The following ASPH variants were observed in gnomAD, a reference collection of about 807,000 sequenced individuals.
ASPH encodes the protein aspartate beta-hydroxylase, also known as aspartyl/asparaginyl beta-hydroxylase.
Under a neutral mutation model 118.4 loss-of-function variants are expected in ASPH, and 100 were observed. The ratio of observed to expected loss-of-function variants is 0.84; its 90% CI spans 0.72 to 1.00. ASPH has a LOEUF of 1.00. ASPH is among the 50% of genes least tolerant of loss of function. The probability of loss-of-function intolerance (pLI) is 0.00; values close to 1 mark genes in which losing one functional copy is unlikely to be tolerated. For missense variants in ASPH, 920 were observed against 919.5 expected (o/e 1.00, Z -0.01); for synonymous variants, 315 against 325.6 (o/e 0.97, Z 0.35).
At chr8:61,567,403 T>C in intron 16 of ASPH, 85 bp from the exon 17 acceptor site, 1 of 1,396,244 alleles carries the variant, frequency 7.2e-7, no homozygotes, top group Non-Finnish European at 9.6e-7. Context: ...AGTTAACTTT[T>C]GGACATGCTT....
intron 21 of ASPH, among the ~76,000 whole-genome samples, chr8:61,540,626 G>A (rs1041144354): frequency 2.6e-5 from 4 of 152,112 alleles, no homozygotes; most frequent in Admixed American, 6.5e-5. Context: ...TCTTTATAGC[G>A]ATGCAAGAAT....
intron 1 of ASPH, among the ~76,000 whole-genome samples, chr8:61,688,140 G>A (rs957397170): frequency 6.6e-6 from 1 of 152,078 alleles, no homozygotes; most frequent in Non-Finnish European, 1.5e-5. Flanking sequence ...TCTGAAACCA[G>A]TATCTTGTTC....
At position 61,714,544 on chromosome 8, in the gene ASPH, C is replaced by A. The variant is rs1253095887; in HGVS notation, c.-173G>T. ...CCTGCAGCACCTGGGAAGACTTCAC[C>A]CGCCTGCCGGCTGCGCGCGCCCGGC... On this transcript the variant is annotated 5_prime_UTR_variant, in exon 1 of 25. Transcript: ENST00000379454. 9.8e-7 allele frequency: 1 copy of A among 1,020,100 alleles called. No individual in the cohort carries two copies. The highest frequency in any genetic ancestry group is 1.3e-6 in the Non-Finnish European group (1 of 783,806). 63.2% of individuals were successfully genotyped at this position (1,020,100 alleles called of 1,614,324 possible).
chr8:61,664,386 CTA>C, intron 3 of ASPH: 1 of 973,304 alleles, frequency 1.0e-6, no homozygotes, highest in African/African-American at 1.8e-5. Context: ...TAAAACCTTT[CTA>C]TAGTTATTCT....
intron 13 of ASPH, among the ~76,000 whole-genome samples, chr8:61,628,145 A>AT (rs1853791624): frequency 1.3e-5 from 2 of 151,608 alleles, no homozygotes; most frequent in Admixed American, 1.3e-4. Context: ...ACTTCTTGTC[A>AT]TTTTTAGGCA....
At chr8:61,548,495 T>C (rs1490996929) in intron 20 of ASPH, among the ~76,000 whole-genome samples, 1 of 152,138 alleles carries the variant, frequency 6.6e-6, no homozygotes, top group South Asian at 2.1e-4. Flanking sequence ...CTCCCTCGAG[T>C]GTCCAGCAGG....
chr8:61,548,005 C>T (rs900887172), intron 21 of ASPH, 66 bp downstream of exon 21: 5 of 1,489,968 alleles, frequency 3.4e-6, no homozygotes, highest in Non-Finnish European at 4.5e-6. Flanking sequence ...TTATGATAAA[C>T]ATTTTCTGAT....
intron 15 of ASPH, among the ~76,000 whole-genome samples, chr8:61,577,269 T>G (rs529806548): frequency 1.3e-5 from 2 of 151,698 alleles, no homozygotes; most frequent in African/African-American, 2.4e-5. Flanking sequence ...GGCACATGTA[T>G]ACTGTATACA....
chr8:61,618,656 C>G (rs1046184824), intron 14 of ASPH, among the ~76,000 whole-genome samples: 1 of 152,140 alleles, frequency 6.6e-6, no homozygotes, highest in Non-Finnish European at 1.5e-5. Flanking sequence ...GGAAACACAG[C>G]CTTCAGAAGT....
At chr8:61,597,179 T>A (rs1842717602) in intron 14 of ASPH, among the ~76,000 whole-genome samples, 1 of 136,328 alleles carries the variant, frequency 7.3e-6, no homozygotes, top group Non-Finnish European at 1.6e-5. Flanking sequence ...ATAGATCACT[T>A]GAAATAATCC....
rs181586552 is a variant in ASPH at position 61,703,013 on chromosome 8, C to A, written c.103+11256G>T. On this transcript the variant is annotated intron_variant, in intron 1 of 24. Transcript: ENST00000379454. Reference sequence around the variant, plus strand: ...GACCCACATCTAACATAAACACAGACGCAAAATTGCTGACAAAATATTAGC... The same window carrying A: ...GACCCACATCTAACATAAACACAGAAGCAAAATTGCTGACAAAATATTAGC... Among the ~76,000 whole-genome samples the A allele has an allele frequency of 3.3e-5, 5 of 152,198 alleles. No homozygotes were observed. In the South Asian group the frequency reaches 1.0e-3, roughly 32 times the overall value.
intron 10 of ASPH, among the ~76,000 whole-genome samples, chr8:61,641,274 T>G (rs945148092): frequency 1.3e-5 from 2 of 152,210 alleles, no homozygotes; most frequent in African/African-American, 4.8e-5. Context: ...GAGTTTGAAT[T>G]TAAATTCCTC....
In ASPH at chr8:61,714,586, T is replaced by A; in HGVS notation, c.-215A>T. On this transcript the variant is annotated 5_prime_UTR_variant, in exon 1 of 25. Transcript: ENST00000379454. ...GCGCCCGGCCTCGCGTGTACGAACCTGTGACTCCCTCCCGGGGCGAGAGCG... is the reference window on the plus strand; with the variant it reads ...GCGCCCGGCCTCGCGTGTACGAACCAGTGACTCCCTCCCGGGGCGAGAGCG... The A allele has an allele frequency of 1.7e-6, 1 of 604,794 alleles. No homozygotes were observed. Among genetic ancestry groups the A allele is most frequent in the Non-Finnish European group, 2.4e-6 (1 of 413,630 alleles). 37.5% of individuals were successfully genotyped at this position (604,794 alleles called of 1,614,324 possible). A position where few individuals can be genotyped will look rare whatever the true frequency, so the allele number is the denominator to read the frequency against.
chr8:61,526,052 T>C lies in ASPH; in HGVS notation c.1825A>G (p.Lys609Glu), dbSNP rs751217268. ...DEGLAVMDKA[K>E]GLFLPEDENL... The stretch of plus-strand genomic sequence containing the variant: ...TCATCCTCAGGCAGGAAGAGACCTT[T>C]GGCTTTATCCATCACTGCAAGGCCT... Residue 609 changes from lysine (K) to glutamate (E), a missense_variant, in exon 22 of 25, where the codon AAA (lysine) becomes GAA (glutamate). Physicochemically the swap from Lys to Glu is moderately conservative, Grantham distance 56. Coordinates refer to ENST00000379454, the MANE Select transcript of ASPH (RefSeq NM_004318.4). 4 of 1,613,944 alleles carry C rather than the reference T, an allele frequency of 2.5e-6. No homozygotes were observed. Among genetic ancestry groups the C allele is most frequent in the South Asian group, 2.2e-5 (2 of 91,078 alleles).
At chr8:61,575,321 C>T (rs140098038) in intron 16 of ASPH, among the ~76,000 whole-genome samples, 56 of 152,260 alleles carry the variant, frequency 3.7e-4, no homozygotes, top group African/African-American at 1.3e-3. Context: ...TAAAGACTTT[C>T]AGGGCTTTGC....
chr8:61,557,191 C>G (rs1197456667), intron 18 of ASPH, among the ~76,000 whole-genome samples: 1 of 152,130 alleles, frequency 6.6e-6, no homozygotes, highest in Non-Finnish European at 1.5e-5. Flanking sequence ...GTCCACTCTC[C>G]GCTTGCTAAA....
intron 21 of ASPH, among the ~76,000 whole-genome samples, chr8:61,545,128 C>T (rs1242977776): frequency 6.6e-6 from 1 of 152,094 alleles, no homozygotes; most frequent in East Asian, 1.9e-4. Flanking sequence ...TTTGTGTCCC[C>T]CAAATTCATA....
chr8:61,655,250 TG>T (rs1487203804), intron 3 of ASPH, among the ~76,000 whole-genome samples: 1 of 152,166 alleles, frequency 6.6e-6, no homozygotes, highest in Non-Finnish European at 1.5e-5. Context: ...GCTTCTTAGG[TG>T]CACTCCAGTA....
At chr8:61,684,270 T>TG in intron 1 of ASPH, 82 bp from the exon 2 acceptor site, 2 of 1,438,384 alleles carry the variant, frequency 1.4e-6, no homozygotes, top group Non-Finnish European at 1.9e-6. Flanking sequence ...CTCCAATAAT[T>TG]TGGGATTATG....
Sources: allele counts gnomAD v4.1 joint callset (sites outside exome capture counted in the v4.1 genomes callset), GRCh38; gene constraint gnomAD v4.1.1; transcripts MANE v1.5; gene names NCBI Gene and HGNC (gene_info 2026-07-23, HGNC 2026-07-21).